The following LAMP5 variants were observed in gnomAD, a reference collection of about 807,000 sequenced individuals.
LAMP5 encodes the protein lysosome associated membrane protein 5, also known as lysosome-associated membrane glycoprotein 5.
In LAMP5, 36 loss-of-function variants were observed where a neutral mutation model predicts 30.2. The observed-to-expected ratio is 1.19, with a 90% CI of 0.91 to 1.57. The LOEUF is 1.57. Ranked by LOEUF, LAMP5 falls within the 40% of genes most tolerant of loss-of-function variation. The probability of loss-of-function intolerance (pLI) is 0.00; values close to 1 mark genes in which losing one functional copy is unlikely to be tolerated. For missense variants in LAMP5, 377 were observed against 354.9 expected (o/e 1.06, Z -0.50); for synonymous variants, 149 against 134.6 (o/e 1.11, Z -0.74).
intron 5 of LAMP5, among the ~76,000 whole-genome samples, chr20:9,525,390 A>G (rs1319370665): frequency 6.6e-6 from 1 of 152,152 alleles, no homozygotes; most frequent in Admixed American, 6.5e-5. Flanking sequence ...ATGACGTTGG[A>G]TACTCACAGC....
rs770400202 is a variant in LAMP5, at chr20:9,515,645, C to CA, written c.237+20_237+21insA. 1.9e-6 allele frequency: 3 copies of CA among 1,611,768 alleles called. No homozygotes were observed. The highest frequency in any genetic ancestry group is 2.2e-5 in the East Asian group (1 of 44,852). On this transcript the variant is annotated intron_variant, in intron 2 of 5. Transcript: ENST00000246070. ...GTAGATGTAAGGAATCTTTCCCCCC[C>CA]CTCAGCTTGCTCCTAGGGCTCCAGG...
At chr20:9,516,745 A>G (rs1196541145) in intron 4 of LAMP5, among the ~76,000 whole-genome samples, 1 of 152,140 alleles carries the variant, frequency 6.6e-6, no homozygotes, top group African/African-American at 2.4e-5. Context: ...CTTATGCGCT[A>G]AAACTGCAAG....
Position 9,518,148 on chromosome 20 carries a change from C to T in LAMP5, c.584C>T (p.Pro195Leu), listed in dbSNP as rs137866690. ...QQTISLASSD[P>L]QKTVTMILSA... ...ACCATTTCACTGGCCTCTAGTGATC[C>T]GCAGAAGACGGTCACCATGATCCTG... Residue 195 changes from proline to leucine, a missense_variant, in exon 5 of 6, where the codon CCG (proline) becomes CTG (leucine). Transcript: ENST00000246070. 35 of 1,613,966 alleles carry T rather than the reference C, an allele frequency of 2.2e-5. No homozygotes were observed. The highest frequency in any genetic ancestry group is 1.1e-4 in the South Asian group (10 of 91,082).
intron 1 of LAMP5, 164 bp downstream of exon 1, chr20:9,515,080 G>A (rs952990209): frequency 7.4e-6 from 5 of 675,488 alleles, no homozygotes; most frequent in Non-Finnish European, 1.3e-5. Context: ...CTTCCTCGCC[G>A]GTGGCAGGGA....
chr20:9,527,050 C>T (rs1468346469), intron 5 of LAMP5, among the ~76,000 whole-genome samples: 1 of 151,874 alleles, frequency 6.6e-6, no homozygotes, highest in East Asian at 1.9e-4. Flanking sequence ...CTTCCTTGTT[C>T]CCCTTTGTAA....
At chr20:9,517,991 G>A in intron 4 of LAMP5, 49 bp from the exon 5 acceptor site, 2 of 1,585,672 alleles carry the variant, frequency 1.3e-6, no homozygotes, top group African/African-American at 1.3e-5. Context: ...TGGCACATTA[G>A]GTTAGGAACA....
chr20:9,529,589 T>C, intron 5 of LAMP5, 53 bp from the exon 6 acceptor site: 2 of 1,535,420 alleles, frequency 1.3e-6, no homozygotes, highest in Non-Finnish European at 1.8e-6. Context: ...GTAGAACTTA[T>C]GATTCAGGAT....
In LAMP5 at chr20:9,514,835, A is replaced by T. The variant is rs1603165763; in HGVS notation, c.-18A>T. The T allele has an allele frequency of 1.2e-6, 2 of 1,613,700 alleles. No individual in the cohort carries two copies. The highest frequency in any genetic ancestry group is 2.2e-5 in the East Asian group (1 of 44,868). ...CCTCTGCAGCAGCACAGCCGGCCTC[A>T]TTCGGGGCACTGCGAGTATGGATCT... On this transcript the variant is annotated 5_prime_UTR_variant, in exon 1 of 6. Transcript: ENST00000246070.
At chr20:9,528,994 C>T (rs6086928) in intron 5 of LAMP5, among the ~76,000 whole-genome samples, 30,057 of 152,150 alleles carry the variant, frequency 0.2, 3,735 homozygotes, top group African/African-American at 0.35. Context: ...TTATCCATTC[C>T]ATTTTGATGG....
At chr20:9,524,774 G>A (rs183565640) in intron 5 of LAMP5, among the ~76,000 whole-genome samples, 12 of 152,184 alleles carry the variant, frequency 7.9e-5, no homozygotes, top group Admixed American at 3.9e-4. Context: ...TGTTTCCTGC[G>A]GTGAAACATG....
intron 4 of LAMP5, 148 bp downstream of exon 4, chr20:9,516,509 G>A: frequency 1.4e-6 from 1 of 693,800 alleles, no homozygotes; most frequent in Non-Finnish European, 2.5e-6. Context: ...GGGCGGAAGA[G>A]GCGGGAGCGC....
intron 1 of LAMP5, 73 bp downstream of exon 1, chr20:9,514,989 C>A: frequency 1.5e-6 from 2 of 1,358,358 alleles, no homozygotes; most frequent in South Asian, 1.2e-5. Flanking sequence ...AAAGTAAAGT[C>A]AATTAGCTTG....
chr20:9,527,023 T>C (rs1012520605), intron 5 of LAMP5, among the ~76,000 whole-genome samples: 3 of 151,574 alleles, frequency 2.0e-5, no homozygotes, highest in South Asian at 4.2e-4. Context: ...AATCAACATA[T>C]CCATCATGCT....
At chr20:9,522,712 A>G (rs2045087028) in intron 5 of LAMP5, among the ~76,000 whole-genome samples, 1 of 152,192 alleles carries the variant, frequency 6.6e-6, no homozygotes, top group Non-Finnish European at 1.5e-5. Context: ...GTCGCTGTGG[A>G]AGCATTAACT....
At chr20:9,518,002 A>G (rs2045052983) in intron 4 of LAMP5, 38 bp from the exon 5 acceptor site, 1 of 1,603,080 alleles carries the variant, frequency 6.2e-7, no homozygotes, top group Non-Finnish European at 8.5e-7. Context: ...GTTAGGAACA[A>G]TGAGGGTTCT....
rs2045046494 is a variant in LAMP5, at chr20:9,517,150, T to C, written c.475+789T>C. ...TTTCCCTTTTCACCCCTTTTTGTTA[T>C]CACAGTAAAAGGAGGATTTTTTCTT... On this transcript the variant is annotated intron_variant, in intron 4 of 5. Coordinates refer to ENST00000246070, the MANE Select transcript of LAMP5 (RefSeq NM_012261.4). 1.3e-5 allele frequency among the ~76,000 whole-genome samples: 2 copies of C among 152,174 alleles called. 1 individual carries two copies. The highest frequency in any genetic ancestry group is 4.1e-4 in the South Asian group (2 of 4,828).
chr20:9,524,595 T>TAAAAAAAAAAA (rs748114210), intron 5 of LAMP5, among the ~76,000 whole-genome samples: 12 of 82,192 alleles, frequency 1.5e-4, no homozygotes, highest in African/African-American at 4.1e-4. Context: ...CAGATCGAAC[T>TAAAAAAAAAAA]AAAAAAAAAA....
intron 5 of LAMP5, among the ~76,000 whole-genome samples, chr20:9,519,844 G>A (rs1424687471): frequency 6.6e-6 from 1 of 152,158 alleles, no homozygotes; most frequent in Non-Finnish European, 1.5e-5. Flanking sequence ...TACCACTGGT[G>A]CTATAATTGC....
intron 5 of LAMP5, among the ~76,000 whole-genome samples, chr20:9,526,668 A>G (rs1450201849): frequency 6.6e-6 from 1 of 151,944 alleles, no homozygotes; most frequent in East Asian, 1.9e-4. Flanking sequence ...TAGTGGGGGG[A>G]AAAGTTTCCT....
Sources: gnomAD v4.1 joint callset for allele counts (sites outside exome capture counted in the v4.1 genomes callset) on GRCh38, gnomAD v4.1.1 for gene constraint, MANE v1.5 for transcripts, NCBI Gene and HGNC (gene_info 2026-07-23, HGNC 2026-07-21) for gene names.